Variants in VRK2 observed in about 807,000 individuals in gnomAD.
VRK2 encodes the protein serine/threonine-protein kinase VRK2.
In VRK2, 60 loss-of-function variants were observed where a neutral mutation model predicts 57.6. The ratio of observed to expected loss-of-function variants is 1.04; its 90% confidence interval spans 0.85 to 1.29. The LOEUF is 1.29. Ranked by LOEUF, VRK2 falls within the 50% of genes most tolerant of loss-of-function variation. VRK2 has a pLI of 0.00. For missense variants in VRK2, 705 were observed against 588.1 expected (o/e 1.20, Z -2.06); for synonymous variants, 231 against 199.2 (o/e 1.16, Z -1.35).
At chr2:58,116,411 G>A (rs1324013748) in intron 7 of VRK2, among the ~76,000 whole-genome samples, 1 of 151,622 alleles carries the variant, frequency 6.6e-6, no homozygotes, top group Non-Finnish European at 1.5e-5. Flanking sequence ...GAACTGGGCA[G>A]GTGGGGATAA....
intron 1 of VRK2, among the ~76,000 whole-genome samples, chr2:57,934,655 G>A (rs1048549586): frequency 2.0e-5 from 3 of 152,084 alleles, no homozygotes; most frequent in African/African-American, 7.2e-5. Flanking sequence ...CTTTAAATAA[G>A]ATTTCTGCTT....
chr2:57,912,951 C>G (rs1057306514), intron 1 of VRK2, among the ~76,000 whole-genome samples: 6 of 152,180 alleles, frequency 3.9e-5, no homozygotes, highest in African/African-American at 1.4e-4. Flanking sequence ...AGATCCCTCA[C>G]TCTTTCCACC....
At chr2:58,099,008 G>A (rs1020892650) in intron 7 of VRK2, among the ~76,000 whole-genome samples, 4 of 151,814 alleles carry the variant, frequency 2.6e-5, no homozygotes, top group African/African-American at 9.7e-5. Flanking sequence ...ATATGATATG[G>A]TGTTGCACAA....
intron 7 of VRK2, among the ~76,000 whole-genome samples, chr2:58,112,257 T>G (rs190371267): frequency 6.0e-4 from 91 of 152,314 alleles, no homozygotes; most frequent in Non-Finnish European, 1.2e-3. Flanking sequence ...ATAAAACCAG[T>G]GCTACCAGGC....
intron 12 of VRK2, among the ~76,000 whole-genome samples, chr2:58,151,005 A>G (rs749824925): frequency 2.6e-5 from 4 of 151,614 alleles, no homozygotes; most frequent in African/African-American, 7.2e-5. Context: ...TATTATTGCA[A>G]TCTTTTAAAA....
chr2:58,125,057 A>G (rs1224139297), intron 8 of VRK2, among the ~76,000 whole-genome samples: 1 of 152,154 alleles, frequency 6.6e-6, no homozygotes, highest in African/African-American at 2.4e-5. Flanking sequence ...AGAAACAGTA[A>G]GTACTTTTTT....
intron 2 of VRK2, among the ~76,000 whole-genome samples, chr2:58,071,290 A>C (rs1669330381): frequency 6.6e-6 from 1 of 152,042 alleles, no homozygotes; most frequent in South Asian, 2.1e-4. Context: ...CAGAGCAGAA[A>C]ATTTTTAATG....
Position 57,923,448 on chromosome 2 carries a change from T to G in VRK2, c.-439+15609T>G, listed in dbSNP as rs1670422146. On this transcript the variant is annotated intron_variant, in intron 1 of 15. Coordinates refer to the VRK2 transcript ENST00000417641. ...TAACTGAACTGAGATGATAACTCTT[T>G]GTAGCTTTGATTTGCATTTTCCTGA... 3.9e-5 allele frequency among the ~76,000 whole-genome samples: 6 copies of G among 152,032 alleles called. No homozygotes were observed. The South Asian group carries it at 1.2e-3, about 31-fold the overall frequency.
At chr2:57,946,673 C>T (rs1365569338) in intron 1 of VRK2, among the ~76,000 whole-genome samples, 1 of 152,094 alleles carries the variant, frequency 6.6e-6, no homozygotes, top group Non-Finnish European at 1.5e-5. Context: ...AAGAAGACAT[C>T]AAACAATTAA....
chr2:58,148,791 C>CT (rs1682549152), intron 12 of VRK2, among the ~76,000 whole-genome samples: 1 of 151,780 alleles, frequency 6.6e-6, no homozygotes, highest in South Asian at 2.1e-4. Flanking sequence ...CTTTGGAGCC[C>CT]TTTTCAAAAG....
intron 1 of VRK2, among the ~76,000 whole-genome samples, chr2:57,916,237 T>C (rs1295797056): frequency 6.6e-6 from 1 of 151,702 alleles, no homozygotes; most frequent in Non-Finnish European, 1.5e-5. Context: ...AGAAAACCCA[T>C]CTCTACTAAA....
At chr2:57,958,703 TAGAC>T (rs1671664067) in intron 1 of VRK2, among the ~76,000 whole-genome samples, 1 of 152,170 alleles carries the variant, frequency 6.6e-6, no homozygotes, top group African/African-American at 2.4e-5. Context: ...CTGCATGATT[TAGAC>T]AGTATTCAGA....
chr2:58,127,847 TAAAC>T (rs1678599015), intron 8 of VRK2, among the ~76,000 whole-genome samples: 1 of 152,158 alleles, frequency 6.6e-6, no homozygotes, highest in African/African-American at 2.4e-5. Context: ...GTATAAGAAA[TAAAC>T]AGAAAACACT....
intron 11 of VRK2, among the ~76,000 whole-genome samples, chr2:58,145,214 G>A (rs115452371): frequency 2.3e-3 from 345 of 152,088 alleles, no homozygotes; most frequent in African/African-American, 8.0e-3. Flanking sequence ...CAAGGTTATT[G>A]ACAGTCAGGC....
At chr2:58,084,832 C>T in intron 3 of VRK2, 49 bp from the exon 4 acceptor site, 1 of 1,219,166 alleles carries the variant, frequency 8.2e-7, no homozygotes, top group South Asian at 1.4e-5. Context: ...ACAATTCCAT[C>T]TTTGGGATTA....
At chr2:57,917,560 T>C (rs528625326) in intron 1 of VRK2, among the ~76,000 whole-genome samples, 1 of 150,340 alleles carries the variant, frequency 6.7e-6, no homozygotes, top group Non-Finnish European at 1.5e-5. Context: ...AGATGTAGAC[T>C]GGTTTCCTGC....
chr2:57,987,710 G>A (rs899309970), intron 1 of VRK2, among the ~76,000 whole-genome samples: 20 of 152,006 alleles, frequency 1.3e-4, no homozygotes, highest in African/African-American at 4.8e-4. Context: ...ATGAATATTT[G>A]TAGTATATTT....
intron 2 of VRK2, among the ~76,000 whole-genome samples, chr2:58,066,731 TA>T (rs897729239): frequency 7.9e-5 from 12 of 152,164 alleles, no homozygotes; most frequent in African/African-American, 1.7e-4. Flanking sequence ...GGCATTCTTT[TA>T]AAAAAAATGG....
upstream of VRK2, among the ~76,000 whole-genome samples, chr2:58,041,803 T>C (rs1674467488): frequency 6.6e-6 from 1 of 152,160 alleles, no homozygotes; most frequent in South Asian, 2.1e-4. Flanking sequence ...ACTAATACCC[T>C]TGGTCTCCAC....
Sources: allele counts gnomAD v4.1 joint callset (sites outside exome capture counted in the v4.1 genomes callset), GRCh38; gene constraint gnomAD v4.1.1; transcripts MANE v1.5; gene names NCBI Gene and HGNC (gene_info 2026-07-23, HGNC 2026-07-21).